The following LBP variants were observed in gnomAD, a reference collection of about 807,000 sequenced individuals.
The protein encoded by LBP is lipopolysaccharide binding protein.
Under a neutral mutation model 56.6 loss-of-function variants are expected in LBP, and 53 were observed. The observed-to-expected ratio is 0.94, with a 90% CI of 0.75 to 1.18. LBP has a LOEUF of 1.18. Among genes scored for constraint, LBP ranks in the 50% most tolerant of loss-of-function variants. The pLI, the probability that LBP is intolerant of heterozygous loss-of-function variation, is 0.00. For synonymous variants in LBP, 227 were observed against 247.5 expected (o/e 0.92, Z 0.78); for missense variants, 601 against 598.3 (o/e 1.00, Z -0.05).
intron 9 of LBP, 53 bp downstream of exon 9, chr20:38,366,881 G>A (rs2076884315): frequency 6.6e-7 from 1 of 1,517,196 alleles, no homozygotes; most frequent in South Asian, 1.1e-5. Context: ...CTAGACTCCA[G>A]AGGTTTCTCT....
chr20:38,349,536 T>G lies in LBP; in HGVS notation c.125-12T>G, dbSNP rs773454024. Reference sequence around the variant, plus strand: ...CAGATCAAGCTGACTCCCAGCTATTTCCTTTCCACAGCGGCCCAGGAGGGG... The same window carrying G: ...CAGATCAAGCTGACTCCCAGCTATTGCCTTTCCACAGCGGCCCAGGAGGGG... On this transcript the variant is annotated splice_polypyrimidine_tract_variant and intron_variant, in intron 1 of 14. Transcript: ENST00000217407. 6.9e-6 allele frequency: 11 copies of G among 1,583,254 alleles called. No homozygotes were observed. The South Asian group carries it at 9.2e-5, about 13-fold the overall frequency.
rs187398369 is a variant in LBP at position 38,361,036 on chromosome 20, C to T, written c.652+269C>T. Among the ~76,000 whole-genome samples, 552 of 152,006 alleles carry T rather than the reference C, an allele frequency of 3.6e-3. 1 individual carries two copies. The highest frequency in any genetic ancestry group is 0.013 in the African/African-American group (537 of 41,474). ...AATTAGCCGGGCGTGGTGGCGCATG[C>T]CTGTAATCCCAGCTACTCGGGAGGC... is the stretch of plus-strand genomic sequence containing the variant. On this transcript the variant is annotated intron_variant, in intron 6 of 14. Transcript: ENST00000217407.
chr20:38,359,254 A>G (rs891842469), intron 5 of LBP, among the ~76,000 whole-genome samples: 1 of 151,200 alleles, frequency 6.6e-6, no homozygotes, highest in Non-Finnish European at 1.5e-5. Flanking sequence ...TCACCTTTCC[A>G]GAGTATTTAT....
At chr20:38,362,672 G>A (rs1166075567) in intron 6 of LBP, among the ~76,000 whole-genome samples, 2 of 151,868 alleles carry the variant, frequency 1.3e-5, no homozygotes, top group African/African-American at 4.8e-5. Flanking sequence ...GTCAGGTCAG[G>A]CTTGGTGGTG....
chr20:38,370,895 C>G (rs995174592), intron 11 of LBP, 90 bp downstream of exon 11: 59 of 1,083,900 alleles, frequency 5.4e-5, no homozygotes, highest in Non-Finnish European at 7.3e-5. Context: ...GGAGGGGGGG[C>G]CACCATTTGG....
chr20:38,367,033 T>A (rs1467299960), intron 9 of LBP, among the ~76,000 whole-genome samples: 1 of 152,212 alleles, frequency 6.6e-6, no homozygotes, highest in East Asian at 1.9e-4. Flanking sequence ...GCTTGTCCAA[T>A]CTTTTATTGG....
intron 8 of LBP, 120 bp from the exon 9 acceptor site, chr20:38,366,649 A>G (rs1344158807): frequency 6.5e-6 from 6 of 916,698 alleles, no homozygotes; most frequent in African/African-American, 3.2e-5. Context: ...CCTCCCTGCC[A>G]GGGTAACCCA....
chr20:38,349,716 G>C, intron 2 of LBP, 54 bp downstream of exon 2: 4 of 1,285,276 alleles, frequency 3.1e-6, no homozygotes, highest in South Asian at 1.3e-5. Context: ...GGCTGTCAGG[G>C]GGAATTGGAG....
rs1453859299 is a variant in LBP, at chr20:38,373,919, T to C, written c.1325-18T>C. 1.9e-6 allele frequency: 3 copies of C among 1,609,736 alleles called. No individual in the cohort carries two copies. The highest frequency in any genetic ancestry group is 2.7e-5 in the African/African-American group (2 of 74,936). Reference sequence around the variant, plus strand: ...ATTTATTCACCAATCTCTTTCAATGTTGTGCTTCAACCTCTAGATAAGTTG... The same window carrying C: ...ATTTATTCACCAATCTCTTTCAATGCTGTGCTTCAACCTCTAGATAAGTTG... On this transcript the variant is annotated intron_variant, in intron 13 of 14. Transcript: ENST00000217407.
In LBP at chr20:38,376,945, A is replaced by G. The variant is rs568274099; in HGVS notation, c.*276A>G. 3.9e-5 allele frequency: 23 copies of G among 595,048 alleles called. 1 individual carries two copies. The highest frequency in any genetic ancestry group is 3.5e-4 in the South Asian group (23 of 65,822). The allele number at this position is 595,048 out of a possible 1,614,324, so 36.9% of individuals were successfully genotyped here. ...CAGGCACTGTATTTTTTTATTCGCC[A>G]TCTGATCCCCATGCCTAGCAGAGTG... On this transcript the variant is annotated 3_prime_UTR_variant, in exon 15 of 15. Transcript: ENST00000217407.
intron 3 of LBP, among the ~76,000 whole-genome samples, chr20:38,352,029 C>T (rs1310221047): frequency 6.7e-6 from 1 of 148,962 alleles, no homozygotes; most frequent in Admixed American, 6.7e-5. Flanking sequence ...CAGAGCGAGA[C>T]TCCATCTCTA....
chr20:38,372,132 C>G (rs944704809), intron 12 of LBP, among the ~76,000 whole-genome samples: 2 of 152,154 alleles, frequency 1.3e-5, no homozygotes, highest in East Asian at 3.8e-4. Context: ...GGAAAGAGAA[C>G]GTGAAAATCA....
chr20:38,367,740 C>T (rs1407104670), intron 9 of LBP, among the ~76,000 whole-genome samples: 1 of 152,170 alleles, frequency 6.6e-6, no homozygotes, highest in East Asian at 1.9e-4. Context: ...CAAATGTCTC[C>T]CTTCTAGAAG....
chr20:38,363,784 C>T (rs1004571509), intron 6 of LBP, among the ~76,000 whole-genome samples, 191 bp from the exon 7 acceptor site: 6 of 152,212 alleles, frequency 3.9e-5, no homozygotes, highest in African/African-American at 1.2e-4. Flanking sequence ...TACACCCCCA[C>T]CATTGTTAAC....
At chr20:38,360,932 G>A (rs2076857943) in intron 6 of LBP, among the ~76,000 whole-genome samples, 165 bp downstream of exon 6, 1 of 152,162 alleles carries the variant, frequency 6.6e-6, no homozygotes, top group Non-Finnish European at 1.5e-5. Context: ...GGAGGCCGAG[G>A]CGGGTGGATC....
intron 3 of LBP, among the ~76,000 whole-genome samples, chr20:38,353,546 A>C (rs1343758025): frequency 8.7e-6 from 1 of 115,238 alleles, no homozygotes; most frequent in Non-Finnish European, 1.6e-5. Context: ...GCCCCACACC[A>C]CGCGTATATC....
intron 5 of LBP, among the ~76,000 whole-genome samples, chr20:38,358,285 C>T (rs2076848131): frequency 6.6e-6 from 1 of 152,192 alleles, no homozygotes. Flanking sequence ...GGGGACTGGG[C>T]AGGATTTGAA....
At chr20:38,373,291 G>A (rs1024877690) in intron 13 of LBP, among the ~76,000 whole-genome samples, 156 bp downstream of exon 13, 6 of 152,178 alleles carry the variant, frequency 3.9e-5, no homozygotes, top group Admixed American at 6.5e-5. Context: ...ACATGGGATC[G>A]TTGAAGTTGG....
chr20:38,373,239 G>A (rs886541375), intron 13 of LBP, 104 bp downstream of exon 13: 26 of 958,162 alleles, frequency 2.7e-5, no homozygotes, highest in South Asian at 5.5e-5. Flanking sequence ...CTGTATGACC[G>A]TGGGCAAGTC....
Sources: allele counts gnomAD v4.1 joint callset (sites outside exome capture counted in the v4.1 genomes callset), GRCh38; gene constraint gnomAD v4.1.1; transcripts MANE v1.5; gene names NCBI Gene and HGNC (gene_info 2026-07-23, HGNC 2026-07-21).